The following ANKRD27 variants were observed in gnomAD, a reference collection of about 807,000 sequenced individuals.
The protein encoded by ANKRD27 is ankyrin repeat domain-containing protein 27.
Under a neutral mutation model 129.7 loss-of-function variants are expected in ANKRD27, and 112 were observed. The observed-to-expected ratio is 0.86, with a 90% CI of 0.74 to 1.01. ANKRD27 has a LOEUF of 1.01. ANKRD27 is among the 50% of genes least tolerant of loss of function. ANKRD27 has a pLI of 0.00. For missense variants in ANKRD27, 1,258 were observed against 1,300.5 expected, an observed-to-expected ratio of 0.97 and a Z score of 0.50; for synonymous variants, 516 against 511.2, an observed-to-expected ratio of 1.01 and a Z score of -0.13.
At position 32,656,107 on chromosome 19, in the gene ANKRD27, GAAAAGAAAAGAAAAGA is replaced by G. The variant is rs149777685; in HGVS notation, c.102+2791_102+2806del. Reference sequence around the variant, plus strand: ...AGAAAGAAAGAAAGAAAGAAAGAAAGAAAAGAAAAGAAAAGAAAAGAAAAGAAAAGAAAAAGAAAAG... The same window carrying G: ...AGAAAGAAAGAAAGAAAGAAAGAAAGAAAGAAAAGAAAAGAAAAAGAAAAG... On this transcript the variant is annotated intron_variant, in intron 2 of 28. Coordinates refer to ENST00000306065, the MANE Select transcript of ANKRD27 (RefSeq NM_032139.3). Among the ~76,000 whole-genome samples, 792 of 107,540 alleles carry G rather than the reference GAAAAGAAAAGAAAAGA, an allele frequency of 7.4e-3. 9 individuals carry two copies. The highest frequency in any genetic ancestry group is 0.025 in the African/African-American group (661 of 26,404). 70.6% of individuals were successfully genotyped at this position (107,540 alleles called of 152,430 possible). A position where few individuals can be genotyped will look rare whatever the true frequency, so the allele number is the denominator to read the frequency against.
At chr19:32,656,186 T>A (rs1321242695) in intron 2 of ANKRD27, among the ~76,000 whole-genome samples, 1 of 152,006 alleles carries the variant, frequency 6.6e-6, no homozygotes, top group Non-Finnish European at 1.5e-5. Context: ...AACACCATGC[T>A]GAGCAAGATA....
intron 12 of ANKRD27, among the ~76,000 whole-genome samples, chr19:32,634,873 C>T (rs1967061643): frequency 6.6e-6 from 1 of 152,136 alleles, no homozygotes; most frequent in African/African-American, 2.4e-5. Flanking sequence ...TGAGATTGCA[C>T]CACTGCACTC....
chr19:32,600,747 C>A (rs571953533), intron 26 of ANKRD27, among the ~76,000 whole-genome samples: 1 of 152,180 alleles, frequency 6.6e-6, no homozygotes, highest in Admixed American at 6.5e-5. Context: ...AACCTTAACT[C>A]CCTTAACTCC....
chr19:32,652,746 G>T (rs1353682944), intron 2 of ANKRD27, among the ~76,000 whole-genome samples: 1 of 151,872 alleles, frequency 6.6e-6, no homozygotes, highest in Non-Finnish European at 1.5e-5. Flanking sequence ...TGGGCGACAG[G>T]GCAAAACCCT....
At chr19:32,669,970 T>C (rs546404579) in intron 1 of ANKRD27, among the ~76,000 whole-genome samples, 242 of 145,656 alleles carry the variant, frequency 1.7e-3, no homozygotes, top group African/African-American at 6.1e-3. Flanking sequence ...CACTCCAGCC[T>C]GAGTGACAGG....
In ANKRD27 at chr19:32,604,088, G is replaced by GAGACTGAGGACC. The variant is rs1293113487; in HGVS notation, c.2655+163_2655+174dup. Reference sequence around the variant, plus strand: ...TTCCCAGAGCACCACCTCTGACCAGGAGACTGAGGACCAGCCATCTACCCA... The same window carrying GAGACTGAGGACC: ...TTCCCAGAGCACCACCTCTGACCAGGAGACTGAGGACCAGACTGAGGACCAGCCATCTACCCA... On this transcript the variant is annotated intron_variant, in intron 25 of 28. Coordinates refer to ENST00000306065, the MANE Select transcript of ANKRD27 (RefSeq NM_032139.3). Among the ~76,000 whole-genome samples the GAGACTGAGGACC allele has an allele frequency of 5.3e-5, 8 of 152,336 alleles. No homozygotes were observed. In the East Asian group the frequency reaches 1.5e-3, roughly 29 times the overall value.
chr19:32,639,116 C>T, intron 12 of ANKRD27: 1 of 530,540 alleles, frequency 1.9e-6, no homozygotes, highest in South Asian at 3.0e-5. Context: ...AGGATGGGGA[C>T]TAATGAAGTA....
intron 2 of ANKRD27, among the ~76,000 whole-genome samples, chr19:32,652,164 TTTCCA>T (rs1967429609): frequency 2.6e-5 from 4 of 152,224 alleles, no homozygotes; most frequent in South Asian, 2.1e-4. Context: ...TGGCAAAGAC[TTTCCA>T]GAGTTACCGG....
At position 32,672,244 on chromosome 19, in the gene ANKRD27, C is replaced by T. The variant is rs149112655; in HGVS notation, c.-31+2827G>A. On this transcript the variant is annotated intron_variant, in intron 1 of 28. Transcript: ENST00000306065. ...TAATTTATGATTCAGAAGGAAAAGG[C>T]GAAAAACGAAAACTTTCTATTCATC... Among the ~76,000 whole-genome samples the T allele has an allele frequency of 1.3e-3, 204 of 152,274 alleles. 2 individuals are homozygous for T. Among genetic ancestry groups the T allele is most frequent in the South Asian group, 5.4e-3 (26 of 4,818 alleles).
chr19:32,633,201 G>A (rs1048691598), intron 12 of ANKRD27, among the ~76,000 whole-genome samples: 41 of 152,146 alleles, frequency 2.7e-4, no homozygotes, highest in Non-Finnish European at 1.5e-4. Flanking sequence ...GGAAGAGAGG[G>A]GGTATCAGCA....
At chr19:32,671,255 T>C (rs1467029139) in intron 1 of ANKRD27, among the ~76,000 whole-genome samples, 1 of 151,400 alleles carries the variant, frequency 6.6e-6, no homozygotes, top group Non-Finnish European at 1.5e-5. Context: ...ACCACTGCAC[T>C]CTAGCCTAGG....
In ANKRD27 at chr19:32,625,886, G is replaced by T; in HGVS notation, c.1617C>A (p.Tyr539Ter). Residue 539 changes from tyrosine to a stop codon, truncating the protein, a stop_gained, in exon 17 of 29, where the codon TAC becomes TAA. Coordinates refer to ENST00000306065, the MANE Select transcript of ANKRD27 (RefSeq NM_032139.3). LOFTEE classifies it high-confidence loss of function. ...AAGAGCCACTCACGTCCTCGTGGCC[G>T]TAGGTGCAGGCCAGGTGGAGTGGCG... is the stretch of plus-strand genomic sequence containing the variant. ...GNTPLHLACT[Y>*]GHEDCVKALV... 1 of 1,600,350 alleles carries T rather than the reference G, an allele frequency of 6.2e-7. No homozygotes were observed. The highest frequency in any genetic ancestry group is 1.1e-5 in the South Asian group (1 of 88,486).
chr19:32,642,982 G>T, intron 9 of ANKRD27, 141 bp downstream of exon 9: 1 of 791,038 alleles, frequency 1.3e-6, no homozygotes, highest in Non-Finnish European at 2.1e-6. Context: ...CTTTATCTTT[G>T]GTTGCAAGTA....
intron 17 of ANKRD27, 24 bp downstream of exon 17, chr19:32,625,850 C>A: frequency 1.3e-6 from 2 of 1,543,618 alleles, no homozygotes; most frequent in Admixed American, 2.2e-5. Context: ...ACGCAGCCCC[C>A]CCGGAACAGC....
chr19:32,621,978 G>C (rs1416454806), intron 18 of ANKRD27, among the ~76,000 whole-genome samples: 1 of 152,140 alleles, frequency 6.6e-6, no homozygotes, highest in Non-Finnish European at 1.5e-5. Context: ...CCAGAAAAAG[G>C]TGAGCTCATT....
intron 2 of ANKRD27, among the ~76,000 whole-genome samples, chr19:32,656,095 GAAAGAAAGAAAGAAAAGAAAAGA>G (rs1967522385): frequency 1.1e-4 from 13 of 116,552 alleles, no homozygotes; most frequent in African/African-American, 2.2e-4. Context: ...AAGAAAGAAA[GAAAGAAAGAAAGAAAAGAAAAGA>G]AAAGAAAAGA....
intron 28 of ANKRD27, 35 bp from the exon 29 acceptor site, chr19:32,598,413 C>T (rs761812840): frequency 6.2e-7 from 1 of 1,600,718 alleles, no homozygotes; most frequent in South Asian, 1.1e-5. Context: ...CGTTGACGTC[C>T]TCACTGTACT....
At chr19:32,619,734 G>A (rs1410687701) in intron 18 of ANKRD27, among the ~76,000 whole-genome samples, 181 bp from the exon 19 acceptor site, 4 of 152,124 alleles carry the variant, frequency 2.6e-5, no homozygotes, top group Admixed American at 2.0e-4. Context: ...CAGAGCAGGT[G>A]GGAACTTACG....
At chr19:32,632,596 A>AG (rs2145289358) in intron 12 of ANKRD27, among the ~76,000 whole-genome samples, 1 of 152,044 alleles carries the variant, frequency 6.6e-6, no homozygotes, top group East Asian at 1.9e-4. Flanking sequence ...AAAAAAAAAA[A>AG]AAAAAAAAAG....
Sources: gnomAD v4.1 joint callset for allele counts (sites outside exome capture counted in the v4.1 genomes callset) on GRCh38, gnomAD v4.1.1 for gene constraint, MANE v1.5 for transcripts, NCBI Gene and HGNC (gene_info 2026-07-23, HGNC 2026-07-21) for gene names.